Variants in BARX2 observed in about 807,000 individuals in gnomAD.
BARX2 encodes the protein BARX homeobox 2, also known as homeobox protein BarH-like 2.
Under a neutral mutation model 25.5 loss-of-function variants are expected in BARX2, and 11 were observed. That is an observed-to-expected ratio of 0.43 (90% CI 0.27 to 0.71). The LOEUF (loss-of-function observed/expected upper bound fraction) is 0.71. Among genes scored for constraint, BARX2 ranks in the 30% least tolerant of loss-of-function variants. The pLI is 0.19. For missense variants in BARX2, 360 were observed against 359.9 expected (o/e 1.00, Z 0.00); for synonymous variants, 137 against 149.5 (o/e 0.92, Z 0.61).
intron 1 of BARX2, among the ~76,000 whole-genome samples, chr11:129,430,248 T>C (rs887658705): frequency 1.3e-5 from 2 of 152,126 alleles, no homozygotes; most frequent in African/African-American, 4.8e-5. Flanking sequence ...ACTGAACTAG[T>C]CAATATATGG....
chr11:129,410,747 G>A (rs1591436291), intron 1 of BARX2, among the ~76,000 whole-genome samples: 1 of 152,118 alleles, frequency 6.6e-6, no homozygotes, highest in Non-Finnish European at 1.5e-5. Flanking sequence ...CAGCAGGTGG[G>A]GTGAAGATAC....
intron 1 of BARX2, among the ~76,000 whole-genome samples, chr11:129,426,258 G>GAC (rs1211234486): frequency 6.6e-6 from 1 of 151,970 alleles, no homozygotes; most frequent in Non-Finnish European, 1.5e-5. Flanking sequence ...TGCGTATGGG[G>GAC]ACACGGTCAT....
chr11:129,415,747 T>C (rs921685127), intron 1 of BARX2, among the ~76,000 whole-genome samples: 5 of 152,236 alleles, frequency 3.3e-5, no homozygotes, highest in African/African-American at 1.2e-4. Context: ...TAATGAACTT[T>C]TCCTCCCTTG....
chr11:129,378,568 T>C (rs1018747485), intron 1 of BARX2, among the ~76,000 whole-genome samples: 2 of 145,528 alleles, frequency 1.4e-5, no homozygotes, highest in Non-Finnish European at 3.0e-5. Flanking sequence ...TTTTTCTTTT[T>C]TTTTTTTTTT....
chr11:129,398,785 C>T (rs1161442776), intron 1 of BARX2, among the ~76,000 whole-genome samples: 1 of 152,140 alleles, frequency 6.6e-6, no homozygotes, highest in Non-Finnish European at 1.5e-5. Flanking sequence ...GAACACAGTT[C>T]AGCATTGTTA....
chr11:129,448,347 C>T (rs1456488117), intron 3 of BARX2, among the ~76,000 whole-genome samples: 2 of 152,130 alleles, frequency 1.3e-5, no homozygotes, highest in Non-Finnish European at 2.9e-5. Flanking sequence ...AATGAGAAGA[C>T]AGCCCACAGA....
intron 1 of BARX2, among the ~76,000 whole-genome samples, chr11:129,398,493 A>G (rs780456765): frequency 6.6e-6 from 1 of 152,236 alleles, no homozygotes; most frequent in Non-Finnish European, 1.5e-5. Flanking sequence ...TTAGGAAAAC[A>G]CCAGATATGA....
intron 3 of BARX2, among the ~76,000 whole-genome samples, chr11:129,447,153 T>C (rs1263745848): frequency 1.3e-5 from 2 of 152,244 alleles, no homozygotes; most frequent in East Asian, 1.9e-4. Context: ...TGACAAACTC[T>C]GTCAGCTCAG....
chr11:129,391,913 G>T (rs901875264), intron 1 of BARX2, among the ~76,000 whole-genome samples: 3 of 152,152 alleles, frequency 2.0e-5, no homozygotes, highest in Admixed American at 6.5e-5. Flanking sequence ...TTGAGATTTG[G>T]ATGACAGTTT....
intron 1 of BARX2, among the ~76,000 whole-genome samples, chr11:129,383,374 A>G (rs1472022173): frequency 2.6e-5 from 4 of 152,208 alleles, no homozygotes; most frequent in African/African-American, 9.6e-5. Context: ...GCACCTAGAT[A>G]GATATCAGAA....
chr11:129,421,768 C>T (rs978026573), intron 1 of BARX2, among the ~76,000 whole-genome samples: 1 of 152,194 alleles, frequency 6.6e-6, no homozygotes, highest in African/African-American at 2.4e-5. Flanking sequence ...TCTGTGGAAC[C>T]AATTCCAACA....
intron 1 of BARX2, among the ~76,000 whole-genome samples, chr11:129,403,026 G>C (rs113009157): frequency 1.2e-4 from 18 of 152,366 alleles, no homozygotes; most frequent in African/African-American, 4.1e-4. Context: ...CATATTTGGA[G>C]AAGTAGGCAT....
chr11:129,376,314 GGTTAA>G lies in BARX2; in HGVS notation c.187+99_187+103del, dbSNP rs1861503775. 1 of 1,254,984 alleles carries G rather than the reference GGTTAA, an allele frequency of 8.0e-7. No homozygotes were observed. Among genetic ancestry groups the G allele is most frequent in the Non-Finnish European group, 1.1e-6 (1 of 915,926 alleles). The allele number at this position is 1,254,984 out of a possible 1,614,324, so 77.7% of individuals were successfully genotyped here. On this transcript the variant is annotated intron_variant, in intron 1 of 3. Coordinates refer to ENST00000281437, the MANE Select transcript of BARX2 (RefSeq NM_003658.5). This position sits in a 1 kb window ranked among gnomAD's most constrained non-coding sequence, Gnocchi z 4.2. The stretch of plus-strand genomic sequence containing the variant: ...TTTGCGATCCGAGGGCGAGAGGAAG[GGTTAA>G]GTTAAGGGATTCTTTTCCTGCGCCT...
intron 1 of BARX2, among the ~76,000 whole-genome samples, chr11:129,429,311 C>T (rs1477737389): frequency 6.6e-6 from 1 of 151,972 alleles, no homozygotes; most frequent in Non-Finnish European, 1.5e-5. Flanking sequence ...GTGGAAGGAT[C>T]ACTTGAGGTC....
intron 1 of BARX2, among the ~76,000 whole-genome samples, chr11:129,413,471 A>G (rs1011562615): frequency 6.6e-6 from 1 of 152,150 alleles, no homozygotes; most frequent in Non-Finnish European, 1.5e-5. Flanking sequence ...GGAAAGGTGA[A>G]TTGGGGCCCA....
chr11:129,413,860 G>A (rs1236382072), intron 1 of BARX2, among the ~76,000 whole-genome samples: 2 of 152,124 alleles, frequency 1.3e-5, no homozygotes, highest in South Asian at 4.2e-4. Context: ...TCAGGAGATC[G>A]AGACAATCCT....
rs1236374554 is a variant in BARX2 at position 129,376,457 on chromosome 11, C to T, written c.187+235C>T. On this transcript the variant is annotated intron_variant, in intron 1 of 3. Transcript: ENST00000281437. This position sits in a 1 kb window ranked among gnomAD's most constrained non-coding sequence, Gnocchi z 4.2. ...GGCAGGGCCTTAGGAGTGGGCTGCTCGCGCAACGCCTGATTGTCCTGCTCG... is the reference window on the plus strand; with the variant it reads ...GGCAGGGCCTTAGGAGTGGGCTGCTTGCGCAACGCCTGATTGTCCTGCTCG... Among the ~76,000 whole-genome samples, 3 of 152,224 alleles carry T rather than the reference C, an allele frequency of 2.0e-5. No homozygotes were observed. Among genetic ancestry groups the T allele is most frequent in the Non-Finnish European group, 2.9e-5 (2 of 68,044 alleles).
chr11:129,375,888 G>A lies in BARX2; in HGVS notation c.-148G>A, dbSNP rs148755114. 13,603 of 248,590 alleles carry A rather than the reference G, an allele frequency of 0.055. 617 individuals are homozygous for A. The highest frequency in any genetic ancestry group is 0.25 in the East Asian group (1,404 of 5,560). The allele number at this position is 248,590 out of a possible 1,614,324, so 15.4% of individuals were successfully genotyped here. ...CGCGCGGCAGGCGCGCCCGCTACCC[G>A]CTCTCCTCCGCGCGCCACCCGAGCC... On this transcript the variant is annotated 5_prime_UTR_variant, in exon 1 of 4. Transcript: ENST00000281437. This position sits in a 1 kb window ranked among gnomAD's most constrained non-coding sequence, Gnocchi z 4.0.
chr11:129,442,633 A>ATCTGTTTC, intron 2 of BARX2: 1 of 513,726 alleles, frequency 1.9e-6, no homozygotes, highest in Non-Finnish European at 3.4e-6. Context: ...AGGCATGGGC[A>ATCTGTTTC]TCTGTTTCTC....
Sources: gnomAD v4.1 joint callset for allele counts (sites outside exome capture counted in the v4.1 genomes callset) on GRCh38, gnomAD v4.1.1 for gene constraint, Gnocchi (gnomAD v3.1) non-coding constraint, MANE v1.5 for transcripts, NCBI Gene and HGNC (gene_info 2026-07-23, HGNC 2026-07-21) for gene names.